Variants in HYDIN observed in about 807,000 individuals in gnomAD.
HYDIN encodes the protein axonemal central pair apparatus protein HYDIN.
In HYDIN, 132 loss-of-function variants were observed where a neutral mutation model predicts 403.9. The ratio of observed to expected loss-of-function variants is 0.33; its 90% CI spans 0.28 to 0.38. The LOEUF (loss-of-function observed/expected upper bound fraction) is 0.38, where lower values mean the gene tolerates loss of function less well. Among genes scored for constraint, HYDIN ranks in the 10% least tolerant of loss-of-function variants. The pLI is 1.00. For missense variants in HYDIN, 2,827 were observed against 5,009.5 expected (o/e 0.56, Z 13.15); for synonymous variants, 1,202 against 1,891.7 (o/e 0.64, Z 9.46).
intron 36 of HYDIN, among the ~76,000 whole-genome samples, chr16:70,965,604 T>C (rs1284307920): frequency 1.3e-5 from 2 of 152,236 alleles, no homozygotes; most frequent in Non-Finnish European, 2.9e-5. Context: ...AAAATTAAGT[T>C]TTAAAAAGCA....
chr16:71,122,869 T>A (rs1246018017), intron 9 of HYDIN, among the ~76,000 whole-genome samples: 1 of 141,678 alleles, frequency 7.1e-6, no homozygotes, highest in Non-Finnish European at 1.5e-5. Flanking sequence ...AGACACTTGC[T>A]AATAGAAGCA....
chr16:70,980,361 G>C (rs1210472125), intron 29 of HYDIN, among the ~76,000 whole-genome samples: 1 of 151,684 alleles, frequency 6.6e-6, no homozygotes, highest in Non-Finnish European at 1.5e-5. Flanking sequence ...TAAAAAATTA[G>C]CCAGGCATGG....
chr16:70,982,404 C>G (rs572813944), intron 28 of HYDIN, among the ~76,000 whole-genome samples: 9 of 151,344 alleles, frequency 5.9e-5, no homozygotes, highest in African/African-American at 2.2e-4. Flanking sequence ...CAGATAATCA[C>G]TTCAGTTTAT....
At chr16:71,103,789 T>C (rs1197923158) in intron 10 of HYDIN, among the ~76,000 whole-genome samples, 7 of 152,040 alleles carry the variant, frequency 4.6e-5, no homozygotes, top group South Asian at 2.1e-4. Context: ...AAAAAAACCA[T>C]CTTGGATTTT....
intron 18 of HYDIN, among the ~76,000 whole-genome samples, chr16:71,054,103 C>T (rs1428484087): frequency 1.3e-5 from 2 of 152,228 alleles, no homozygotes; most frequent in African/African-American, 4.8e-5. Flanking sequence ...GAACACAGCA[C>T]GTGCTAGGCA....
chr16:71,029,877 TG>T (rs1467293265), intron 19 of HYDIN, among the ~76,000 whole-genome samples: 1 of 152,056 alleles, frequency 6.6e-6, no homozygotes, highest in Non-Finnish European at 1.5e-5. Flanking sequence ...TCAGGGCCTG[TG>T]AGCCCAGAAG....
chr16:71,208,106 C>T (rs994399459), intron 1 of HYDIN, among the ~76,000 whole-genome samples: 1 of 152,164 alleles, frequency 6.6e-6, no homozygotes, highest in Admixed American at 6.5e-5. Flanking sequence ...CCAAAGACAA[C>T]AGAATATACA....
chr16:71,090,725 G>T (rs2083096155), intron 11 of HYDIN, among the ~76,000 whole-genome samples: 1 of 151,852 alleles, frequency 6.6e-6, no homozygotes, highest in South Asian at 2.1e-4. Context: ...GGCTGGTCTT[G>T]AACTCCTGGG....
At chr16:71,230,317 C>T (rs1341389702) in intron 1 of HYDIN, among the ~76,000 whole-genome samples, 1 of 152,220 alleles carries the variant, frequency 6.6e-6, no homozygotes, top group African/African-American at 2.4e-5. Flanking sequence ...AGCGAGGCAG[C>T]ACCTCAGGCC....
intron 85 of HYDIN, among the ~76,000 whole-genome samples, chr16:70,808,854 T>A (rs2035272531): frequency 6.6e-6 from 1 of 152,194 alleles, no homozygotes; most frequent in African/African-American, 2.4e-5. Flanking sequence ...AACTGTCCCC[T>A]CTTCCCTTGT....
At chr16:70,831,152 G>T (rs1472034937) in intron 80 of HYDIN, among the ~76,000 whole-genome samples, 1 of 151,144 alleles carries the variant, frequency 6.6e-6, no homozygotes, top group Non-Finnish European at 1.5e-5. Flanking sequence ...AACAAGAAAT[G>T]ATGGTATGTA....
intron 18 of HYDIN, among the ~76,000 whole-genome samples, chr16:71,033,389 T>C (rs1480425721): frequency 1.3e-5 from 2 of 150,850 alleles, no homozygotes; most frequent in Non-Finnish European, 2.9e-5. Context: ...AATTCTAATT[T>C]GTTTAATTGC....
At chr16:70,944,562 A>G (rs1046105915) in intron 41 of HYDIN, among the ~76,000 whole-genome samples, 4 of 152,094 alleles carry the variant, frequency 2.6e-5, no homozygotes, top group African/African-American at 7.2e-5. Flanking sequence ...TCGGGGGCAC[A>G]TGGAGCCCAG....
At chr16:71,177,494 A>G (rs1210230153) in intron 4 of HYDIN, among the ~76,000 whole-genome samples, 1 of 152,204 alleles carries the variant, frequency 6.6e-6, no homozygotes, top group Non-Finnish European at 1.5e-5. Context: ...TACTGCAGAA[A>G]AGAATGAAAC....
chr16:71,173,395 A>G (rs1023807900), intron 5 of HYDIN, among the ~76,000 whole-genome samples: 8 of 152,246 alleles, frequency 5.3e-5, no homozygotes, highest in African/African-American at 1.9e-4. Context: ...AGCAGCTACA[A>G]AACACAGTGA....
At chr16:71,052,355 A>C in intron 18 of HYDIN, among the ~76,000 whole-genome samples, 1 of 152,014 alleles carries the variant, frequency 6.6e-6, no homozygotes, top group Non-Finnish European at 1.5e-5. Flanking sequence ...TTAAGTCTGA[A>C]GTATAACAGA....
chr16:71,004,530 TTGTAATGTTAAACCAACCTTGC>T (rs1164992608), intron 23 of HYDIN, among the ~76,000 whole-genome samples: 1 of 152,176 alleles, frequency 6.6e-6, no homozygotes, highest in Non-Finnish European at 1.5e-5. Flanking sequence ...TCACTGGATT[TTGTAATGTTAAACCAACCTTGC>T]ATTCCTGGAA....
intron 57 of HYDIN, among the ~76,000 whole-genome samples, chr16:70,891,184 AT>A (rs71390967): frequency 1.0e-3 from 152 of 152,128 alleles, no homozygotes; most frequent in Middle Eastern, 3.4e-3. Context: ...TTAAAAAAAA[AT>A]TTTTTTATTT....
rs545929175 is a variant in HYDIN, at chr16:70,909,420, C to T, written c.8005-559G>A. 4.9e-3 allele frequency among the ~76,000 whole-genome samples: 751 copies of T among 151,972 alleles called. 2 individuals are homozygous for T. The highest frequency in any genetic ancestry group is 7.9e-3 in the Non-Finnish European group (538 of 67,996). On this transcript the variant is annotated intron_variant, in intron 47 of 85. Coordinates refer to ENST00000393567, the MANE Select transcript of HYDIN (RefSeq NM_001270974.2). ...GCCTTTAATTTATTTATCATTTCCA[C>T]CATCTTTTAAAAAAGAAAACTTTAA...
Sources: allele counts gnomAD v4.1 joint callset (sites outside exome capture counted in the v4.1 genomes callset), GRCh38; gene constraint gnomAD v4.1.1; transcripts MANE v1.5; gene names NCBI Gene and HGNC (gene_info 2026-07-23, HGNC 2026-07-21).